The following COL8A1 variants were observed in gnomAD, a reference collection of about 807,000 sequenced individuals.
The protein encoded by COL8A1 is collagen alpha-1(VIII) chain.
COL8A1 carries 21 observed loss-of-function variants against 42.7 expected under a neutral mutation model. The ratio of observed to expected loss-of-function variants is 0.49; its 90% CI spans 0.35 to 0.71. The LOEUF (loss-of-function observed/expected upper bound fraction) is 0.71. COL8A1 is among the 30% of genes least tolerant of loss of function. COL8A1 has a pLI of 0.01. For missense variants in COL8A1, 788 were observed against 962.4 expected (o/e 0.82, Z 2.40); for synonymous variants, 367 against 369.1 (o/e 0.99, Z 0.06).
intron 1 of COL8A1, among the ~76,000 whole-genome samples, chr3:99,667,535 T>C (rs1938404195): frequency 2.0e-5 from 3 of 152,164 alleles, no homozygotes; most frequent in South Asian, 4.1e-4. Context: ...AATTTTTCTC[T>C]GTCTGATGTG....
intron 2 of COL8A1, among the ~76,000 whole-genome samples, chr3:99,748,676 T>A (rs1941080045): frequency 6.6e-6 from 1 of 152,132 alleles, no homozygotes; most frequent in Non-Finnish European, 1.5e-5. Context: ...CTGGACTTGT[T>A]TATGTACCTG....
chr3:99,737,323 C>G (rs1371453156), intron 1 of COL8A1, among the ~76,000 whole-genome samples: 1 of 152,020 alleles, frequency 6.6e-6, no homozygotes, highest in Admixed American at 6.6e-5. Flanking sequence ...TTCCTAGTCT[C>G]GATGGTCTTT....
At chr3:99,737,390 G>T (rs1940758735) in intron 1 of COL8A1, among the ~76,000 whole-genome samples, 1 of 151,914 alleles carries the variant, frequency 6.6e-6, no homozygotes, top group Non-Finnish European at 1.5e-5. Context: ...CATATTTAGT[G>T]CTTCCTTCAG....
At chr3:99,775,991 T>C (rs1576472581) in intron 2 of COL8A1, among the ~76,000 whole-genome samples, 1 of 152,204 alleles carries the variant, frequency 6.6e-6, no homozygotes, top group Non-Finnish European at 1.5e-5. Flanking sequence ...GGAACTTTAA[T>C]AGAAATTTCA....
intron 2 of COL8A1, among the ~76,000 whole-genome samples, chr3:99,754,596 C>A (rs1427387683): frequency 6.6e-6 from 1 of 152,062 alleles, no homozygotes; most frequent in East Asian, 1.9e-4. Context: ...CTTTATTTTT[C>A]TGAATACTGT....
chr3:99,754,371 A>G (rs1428593649), intron 2 of COL8A1, among the ~76,000 whole-genome samples: 1 of 152,202 alleles, frequency 6.6e-6, no homozygotes, highest in Non-Finnish European at 1.5e-5. Flanking sequence ...GTAGCTGCTC[A>G]AGTTATCCAC....
Position 99,798,381 on chromosome 3 carries a change from T to C in COL8A1, c.*2245T>C, listed in dbSNP as rs1942138520. On this transcript the variant is annotated 3_prime_UTR_variant, in exon 4 of 4. Transcript: ENST00000652472. ...AGGATACTGGTTTTGGGCTGATGAC[T>C]ATGGTGGGCAGCATGGATCCATTGG... 6.6e-6 allele frequency: 1 copy of C among 152,234 alleles called. No homozygotes were observed. The highest frequency in any genetic ancestry group is 6.5e-5 in the Admixed American group (1 of 15,276). The allele number at this position is 152,234 out of a possible 1,614,324, so 9.4% of individuals were successfully genotyped here. A position where few individuals can be genotyped will look rare whatever the true frequency, so the allele number is the denominator to read the frequency against.
chr3:99,674,446 A>T (rs1938633075), intron 1 of COL8A1, among the ~76,000 whole-genome samples: 1 of 147,958 alleles, frequency 6.8e-6, no homozygotes, highest in Admixed American at 6.8e-5. Context: ...TCCTTTTTTA[A>T]AAAAAAAAAA....
chr3:99,746,039 A>G (rs1407072123), intron 2 of COL8A1, among the ~76,000 whole-genome samples: 1 of 152,126 alleles, frequency 6.6e-6, no homozygotes, highest in Admixed American at 6.5e-5. Context: ...AATTGCTAAG[A>G]TTCCCCAGAT....
chr3:99,790,109 C>G (rs2107455736), intron 2 of COL8A1, among the ~76,000 whole-genome samples: 1 of 152,318 alleles, frequency 6.6e-6, no homozygotes, highest in Non-Finnish European at 1.5e-5. Flanking sequence ...AATTTTGGCA[C>G]TTATTAACAA....
intron 1 of COL8A1, among the ~76,000 whole-genome samples, chr3:99,702,439 C>G (rs1393614508): frequency 1.3e-5 from 2 of 152,108 alleles, no homozygotes; most frequent in Admixed American, 6.5e-5. Context: ...CTAGTTGCCT[C>G]TAGTAACTGT....
intron 1 of COL8A1, among the ~76,000 whole-genome samples, chr3:99,706,888 G>A (rs1939693689): frequency 6.6e-6 from 1 of 152,158 alleles, no homozygotes; most frequent in Non-Finnish European, 1.5e-5. Flanking sequence ...AGAGCTAAAT[G>A]TAAGTAAAGG....
At chr3:99,667,227 T>C (rs578047578) in intron 1 of COL8A1, among the ~76,000 whole-genome samples, 1 of 152,274 alleles carries the variant, frequency 6.6e-6, no homozygotes, top group South Asian at 2.1e-4. Context: ...TTGGGTTCCT[T>C]GTTTTGAGCC....
intron 1 of COL8A1, chr3:99,703,741 C>T (rs1939606723): frequency 1.3e-5 from 2 of 152,172 alleles, no homozygotes; most frequent in African/African-American, 2.4e-5. Flanking sequence ...CAGGCCTGCC[C>T]AGCACAAAGT....
intron 1 of COL8A1, among the ~76,000 whole-genome samples, chr3:99,704,728 T>G (rs1939631784): frequency 6.6e-6 from 1 of 152,126 alleles, no homozygotes; most frequent in African/African-American, 2.4e-5. Flanking sequence ...TTATTACACT[T>G]CCAAAGTACC....
chr3:99,723,501 G>T (rs2107372600), intron 1 of COL8A1, among the ~76,000 whole-genome samples: 1 of 152,236 alleles, frequency 6.6e-6, no homozygotes, highest in South Asian at 2.1e-4. Flanking sequence ...TCCTTGGAAA[G>T]TTAATTGGCA....
intron 1 of COL8A1, among the ~76,000 whole-genome samples, chr3:99,645,001 T>C (rs1478661844): frequency 1.3e-5 from 2 of 152,156 alleles, no homozygotes. Context: ...AGGGGTTAAG[T>C]TGCAGCTGCC....
chr3:99,706,625 G>C (rs971175934), intron 1 of COL8A1, among the ~76,000 whole-genome samples: 1 of 152,136 alleles, frequency 6.6e-6, no homozygotes, highest in Non-Finnish European at 1.5e-5. Context: ...TCCTTGGCTG[G>C]TTAGGACTGG....
intron 1 of COL8A1, among the ~76,000 whole-genome samples, chr3:99,659,838 G>C (rs893047906): frequency 1.3e-5 from 2 of 151,972 alleles, no homozygotes; most frequent in African/African-American, 4.8e-5. Flanking sequence ...CCTTCCTCCC[G>C]AGACTCTGTT....
Sources: gnomAD v4.1 joint callset for allele counts (sites outside exome capture counted in the v4.1 genomes callset) on GRCh38, gnomAD v4.1.1 for gene constraint, MANE v1.5 for transcripts, NCBI Gene and HGNC (gene_info 2026-07-23, HGNC 2026-07-21) for gene names.